SSH1: variants seen among roughly 807,000 people sequenced by gnomAD.
The protein encoded by SSH1 is protein phosphatase Slingshot homolog 1.
A neutral mutation model predicts 79.7 loss-of-function variants in SSH1; 43 were observed. The ratio of observed to expected loss-of-function variants is 0.54; its 90% CI spans 0.42 to 0.70. The LOEUF is 0.70. Ranked by LOEUF, SSH1 falls within the 30% of genes least tolerant of loss-of-function variation. The pLI is 0.00. For synonymous variants in SSH1, 599 were observed against 538.3 expected (o/e 1.11, Z -1.56); for missense variants, 1,206 against 1,358.8 (o/e 0.89, Z 1.77).
At chr12:108,805,421 T>C (rs570576923) in intron 9 of SSH1, among the ~76,000 whole-genome samples, 2 of 152,350 alleles carry the variant, frequency 1.3e-5, no homozygotes, top group Non-Finnish European at 2.9e-5. Flanking sequence ...AATAAGGAAT[T>C]TGATTTCCAT....
rs562467422 is a variant in SSH1 at position 108,833,165 on chromosome 12, T to C, written c.111-9804A>G. ...TCGCAAAAGCAAGCTTTTTTTTTTT[T>C]TTCTCCCTAAATAAGACAGCAAGTG... On this transcript the variant is annotated intron_variant, in intron 2 of 14. Coordinates refer to ENST00000326495, the MANE Select transcript of SSH1 (RefSeq NM_018984.4). 1.3e-5 allele frequency among the ~76,000 whole-genome samples: 2 copies of C among 152,060 alleles called. 1 individual carries two copies. The highest frequency in any genetic ancestry group is 4.1e-4 in the South Asian group (2 of 4,826).
At chr12:108,853,085 A>G (rs1347187485) in intron 1 of SSH1, 41 of 985,272 alleles carry the variant, frequency 4.2e-5, no homozygotes, top group Non-Finnish European at 4.7e-5. Flanking sequence ...GAGCCAGGCA[A>G]TAACAGCTGA....
Position 108,807,682 on chromosome 12 carries a change from G to C in SSH1, c.682C>G (p.Gln228Glu), listed in dbSNP as rs1277636535. ...QSCINEWNAM[Q>E]DLESTRPDSP... ...TCGGGCCGCGTAGACTCCAGGTCCTGCATGGCGTTCCACTCGTTGATGCAG... is the reference window on the plus strand; with the variant it reads ...TCGGGCCGCGTAGACTCCAGGTCCTCCATGGCGTTCCACTCGTTGATGCAG... Residue 228 changes from glutamine to glutamate, a missense_variant, in exon 8 of 15, where the codon CAG becomes GAG. Coordinates refer to ENST00000326495, the MANE Select transcript of SSH1 (RefSeq NM_018984.4). This position sits in a 1 kb window ranked among gnomAD's most constrained non-coding sequence, Gnocchi z 5.2. 12 of 1,613,162 alleles carry C rather than the reference G, an allele frequency of 7.4e-6. No individual in the cohort carries two copies. Among genetic ancestry groups the C allele is most frequent in the Non-Finnish European group, 1.0e-5 (12 of 1,179,538 alleles).
rs141071214 is a variant in SSH1, at chr12:108,787,949, A to G, written c.*39T>C. 2.0e-4 allele frequency: 319 copies of G among 1,613,236 alleles called. No individual in the cohort carries two copies. In the African/African-American group the frequency reaches 3.4e-3, roughly 17 times the overall value. The stretch of plus-strand genomic sequence containing the variant: ...ACAGTGAAAGTGAGGGAGGGATCAT[A>G]TGAAAATATCCGCCCAGCCTGACGC... On this transcript the variant is annotated 3_prime_UTR_variant, in exon 15 of 15. Coordinates refer to ENST00000326495, the MANE Select transcript of SSH1 (RefSeq NM_018984.4).
rs906784066 is a variant in SSH1, at chr12:108,781,944, T to C, written c.*6044A>G. The C allele has an allele frequency of 6.6e-6, 1 of 151,894 alleles. No individual in the cohort carries two copies. Among genetic ancestry groups the C allele is most frequent in the Non-Finnish European group, 1.5e-5 (1 of 67,976 alleles). 9.4% of individuals were successfully genotyped at this position (151,894 alleles called of 1,614,324 possible). A position where few individuals can be genotyped will look rare whatever the true frequency, so the allele number is the denominator to read the frequency against. Reference sequence around the variant, plus strand: ...GCCTGGGCAGCAAAGCGAGACTTCATGTCTATAATAAATTGTAAAAATTAG... The same window carrying C: ...GCCTGGGCAGCAAAGCGAGACTTCACGTCTATAATAAATTGTAAAAATTAG... On this transcript the variant is annotated 3_prime_UTR_variant, in exon 15 of 15. Coordinates refer to ENST00000326495, the MANE Select transcript of SSH1 (RefSeq NM_018984.4).
intron 8 of SSH1, 142 bp from the exon 9 acceptor site, chr12:108,806,536 C>T (rs141068819): frequency 1.8e-5 from 14 of 772,718 alleles, no homozygotes; most frequent in Non-Finnish European, 3.0e-5. Flanking sequence ...TGTTCTCAGG[C>T]AGCAGGGAGA....
At position 108,857,451 on chromosome 12, in the gene SSH1, A is replaced by C. The variant is rs1286334046; in HGVS notation, c.46T>G (p.Ser16Ala). ...LQRSPTPSAA[S>A]SSASNSELEA... The stretch of plus-strand genomic sequence containing the variant: ...ACCTCGCTGTTGCTGGCCGAGGAGG[A>C]GGCGGCGCTGGGCGTGGGCGAGCGC... The change falls in exon 1 of 15, where the codon TCC (serine) becomes GCC (alanine). Residue 16 changes from serine (S) to alanine (A), a missense_variant. Coordinates refer to ENST00000326495, the MANE Select transcript of SSH1 (RefSeq NM_018984.4). This position sits in a 1 kb window ranked among gnomAD's most constrained non-coding sequence, Gnocchi z 4.7. The C allele has an allele frequency of 3.3e-5, 37 of 1,116,392 alleles. No individual in the cohort carries two copies. Among genetic ancestry groups the C allele is most frequent in the Non-Finnish European group, 3.9e-5 (35 of 897,534 alleles). The allele number at this position is 1,116,392 out of a possible 1,614,324, so 69.2% of individuals were successfully genotyped here.
intron 2 of SSH1, chr12:108,826,206 A>G (rs12320461): frequency 0.051 from 22,219 of 433,982 alleles, 996 homozygotes; most frequent in South Asian, 0.12. Context: ...TTTCCTTTGG[A>G]AAAAAAAAGG....
rs1309581081 is a variant in SSH1 at position 108,789,343 on chromosome 12, G to A, written c.1894-99C>T. 3.1e-6 allele frequency: 4 copies of A among 1,270,450 alleles called. No individual in the cohort carries two copies. The African/African-American group carries it at 5.9e-5, about 19-fold the overall frequency. The allele number at this position is 1,270,450 out of a possible 1,614,324, so 78.7% of individuals were successfully genotyped here. A position where few individuals can be genotyped will look rare whatever the true frequency, so the allele number is the denominator to read the frequency against. The stretch of plus-strand genomic sequence containing the variant: ...AGGGAAAGGGGTGCGAGGCCGGACT[G>A]GGGGCCAGGCCTGGAGGGGAGGCTC... On this transcript the variant is annotated intron_variant, in intron 14 of 14. Transcript: ENST00000326495.
intron 2 of SSH1, among the ~76,000 whole-genome samples, chr12:108,843,973 G>A (rs1279912121): frequency 6.6e-6 from 1 of 151,912 alleles, no homozygotes; most frequent in Non-Finnish European, 1.5e-5. Context: ...AAACACCAAG[G>A]AAACACTAAG....
At chr12:108,821,602 T>G (rs2038122494) in intron 3 of SSH1, among the ~76,000 whole-genome samples, 1 of 152,144 alleles carries the variant, frequency 6.6e-6, no homozygotes, top group Non-Finnish European at 1.5e-5. Flanking sequence ...ACTAGGAAAC[T>G]GAGGCTTAGA....
chr12:108,848,994 A>T (rs1037133901), intron 2 of SSH1, among the ~76,000 whole-genome samples: 7 of 152,082 alleles, frequency 4.6e-5, no homozygotes, highest in Non-Finnish European at 8.8e-5. Context: ...ATGCTCCCTC[A>T]CCTGTATGTC....
intron 3 of SSH1, among the ~76,000 whole-genome samples, chr12:108,820,977 C>T (rs2038096183): frequency 6.6e-6 from 1 of 152,224 alleles, no homozygotes; most frequent in African/African-American, 2.4e-5. Flanking sequence ...AAGGAGGTAT[C>T]TGACACTTAG....
chr12:108,847,179 G>A (rs967571000), intron 2 of SSH1, among the ~76,000 whole-genome samples: 1 of 152,176 alleles, frequency 6.6e-6, no homozygotes. Context: ...GATTACAGGC[G>A]TGAGCCACTG....
chr12:108,821,833 T>A (rs1255998053), intron 3 of SSH1, among the ~76,000 whole-genome samples: 1 of 152,208 alleles, frequency 6.6e-6, no homozygotes, highest in Non-Finnish European at 1.5e-5. Flanking sequence ...AATTCTAACC[T>A]GAGCACTCAG....
chr12:108,779,484 G>C lies in SSH1; in HGVS notation c.*8504C>G, dbSNP rs1451035408. 1 of 152,178 alleles carries C rather than the reference G, an allele frequency of 6.6e-6. No individual in the cohort carries two copies. The highest frequency in any genetic ancestry group is 1.9e-4 in the East Asian group (1 of 5,202). 9.4% of individuals were successfully genotyped at this position (152,178 alleles called of 1,614,324 possible). On this transcript the variant is annotated 3_prime_UTR_variant, in exon 15 of 15. Transcript: ENST00000326495. Reference sequence around the variant, plus strand: ...AGAGACAGCTCTGGGAAGGGTTTCAGATGATGAGGGAGCAGTTCCTATCTG... The same window carrying C: ...AGAGACAGCTCTGGGAAGGGTTTCACATGATGAGGGAGCAGTTCCTATCTG...
intron 13 of SSH1, among the ~76,000 whole-genome samples, chr12:108,795,553 T>G (rs2036712874): frequency 1.3e-5 from 2 of 151,994 alleles, no homozygotes; most frequent in African/African-American, 4.8e-5. Context: ...TCAATTTTTT[T>G]TTTTACAGCT....
rs751780975 is a variant in SSH1, at chr12:108,788,546, C to T, written c.2592G>A (p.Ala864=). 45 of 1,578,224 alleles carry T rather than the reference C, an allele frequency of 2.9e-5. 1 individual carries two copies. Among genetic ancestry groups the T allele is most frequent in the African/African-American group, 4.1e-5 (3 of 73,790 alleles). Reference sequence around the variant, plus strand: ...TAACCAGGGGGCCCAGCTCGTGGAGCGCGGCTGGATCCTGGCTCTCCTCGG... The same window carrying T: ...TAACCAGGGGGCCCAGCTCGTGGAGTGCGGCTGGATCCTGGCTCTCCTCGG... ...SIPEESQDPA[A]LHELGPLVMP... The change falls in exon 15 of 15, where the codon GCG becomes GCA. Residue 864 remains alanine (A), a synonymous_variant. Coordinates refer to ENST00000326495, the MANE Select transcript of SSH1 (RefSeq NM_018984.4).
chr12:108,792,046 C>G, intron 14 of SSH1: 4 of 1,441,606 alleles, frequency 2.8e-6, no homozygotes, highest in Non-Finnish European at 3.7e-6. Context: ...GTGTTATTCC[C>G]AACAGATTCT....
Sources: allele counts gnomAD v4.1 joint callset (sites outside exome capture counted in the v4.1 genomes callset), GRCh38; gene constraint gnomAD v4.1.1; non-coding constraint Gnocchi (gnomAD v3.1); transcripts MANE v1.5; gene names NCBI Gene and HGNC (gene_info 2026-07-23, HGNC 2026-07-21).